Variants in NFX1 observed in about 807,000 individuals in gnomAD.
NFX1 encodes the protein transcriptional repressor NF-X1.
NFX1 carries 69 observed loss-of-function variants against 137.2 expected under a neutral mutation model. That is an observed-to-expected ratio of 0.50 (90% CI 0.41 to 0.61). NFX1 has a LOEUF of 0.61. NFX1 is among the 20% of genes least tolerant of loss of function. NFX1 has a pLI of 0.00. For missense variants in NFX1, 1,167 were observed against 1,391.0 expected (o/e 0.84, Z 2.56); for synonymous variants, 495 against 474.1 (o/e 1.04, Z -0.57).
At chr9:33,348,367 T>G (rs1346540438) in intron 15 of NFX1, 1 of 151,750 alleles carries the variant, frequency 6.6e-6, no homozygotes, top group African/African-American at 2.4e-5. Flanking sequence ...AAAAAATAAA[T>G]TTTAAAAACT....
At chr9:33,301,167 T>G in intron 2 of NFX1, 96 bp from the exon 3 acceptor site, 5 of 1,138,276 alleles carry the variant, frequency 4.4e-6, no homozygotes, top group Non-Finnish European at 6.3e-6. Flanking sequence ...GTTTGGATTC[T>G]TCTCTTGAGT....
At chr9:33,315,279 A>G (rs1822116988) in intron 7 of NFX1, among the ~76,000 whole-genome samples, 1 of 151,900 alleles carries the variant, frequency 6.6e-6, no homozygotes, top group African/African-American at 2.4e-5. Flanking sequence ...CAATGCAATT[A>G]TCCCCTTTTT....
rs565602033 is a variant in NFX1, at chr9:33,352,671, G to A, written c.2681G>A (p.Arg894Gln). ...AKVELQCECGRRKEMVICSEA... is the reference protein window; with the variant it reads ...AKVELQCECGQRKEMVICSEA... ...GTAGAGCTACAGTGTGAATGTGGAC[G>A]AAGAAAAGAGATGGTGATTTGCTCT... The change falls in exon 17 of 24, where the codon CGA becomes CAA. Residue 894 changes from arginine (R) to glutamine (Q), a missense_variant. This residue lies in a region of NFX1 where 312 missense variants were observed against 312.8 expected (regional missense o/e 1.00). Transcript: ENST00000379540. 39 of 1,614,180 alleles carry A rather than the reference G, an allele frequency of 2.4e-5. No homozygotes were observed. The highest frequency in any genetic ancestry group is 6.7e-5 in the East Asian group (3 of 44,888).
At chr9:33,299,059 T>A (rs1225056667) in intron 2 of NFX1, among the ~76,000 whole-genome samples, 1 of 152,250 alleles carries the variant, frequency 6.6e-6, no homozygotes, top group Non-Finnish European at 1.5e-5. Flanking sequence ...CAGTTTGGAA[T>A]AATTTCAGAT....
chr9:33,292,514 G>A (rs182032670), intron 1 of NFX1, among the ~76,000 whole-genome samples: 114 of 152,282 alleles, frequency 7.5e-4, no homozygotes, highest in Admixed American at 7.3e-3. Flanking sequence ...TATTCTAGCC[G>A]TGGTGACTAG....
chr9:33,351,391 A>T (rs1449640778), intron 15 of NFX1, among the ~76,000 whole-genome samples, 169 bp from the exon 16 acceptor site: 1 of 151,588 alleles, frequency 6.6e-6, no homozygotes, highest in Non-Finnish European at 1.5e-5. Context: ...GCCCCAGGAA[A>T]GTCATAATCA....
At chr9:33,367,476 T>C in intron 22 of NFX1, 39 bp from the exon 23 acceptor site, 1 of 1,601,166 alleles carries the variant, frequency 6.2e-7, no homozygotes, top group Non-Finnish European at 8.6e-7. Flanking sequence ...CCACAAACAA[T>C]TCTCACTTTT....
At position 33,359,310 on chromosome 9, in the gene NFX1, A is replaced by G. The variant is rs186060947; in HGVS notation, c.2873+4418A>G. On this transcript the variant is annotated intron_variant, in intron 19 of 23. Coordinates refer to ENST00000379540, the MANE Select transcript of NFX1 (RefSeq NM_002504.6). ...TGAATGGAGGGTGGTAATAATAGAT[A>G]TTCCTTGGCCGGGCGCGGTGGCTCA... is the stretch of plus-strand genomic sequence containing the variant. 3.9e-5 allele frequency among the ~76,000 whole-genome samples: 6 copies of G among 152,090 alleles called. No homozygotes were observed. The East Asian group carries it at 1.2e-3, about 30-fold the overall frequency.
chr9:33,317,752 G>T (rs1822225010), intron 7 of NFX1, among the ~76,000 whole-genome samples: 3 of 151,750 alleles, frequency 2.0e-5, no homozygotes, highest in Non-Finnish European at 4.4e-5. Flanking sequence ...GAGGCAGGTG[G>T]ATCACCTGAG....
chr9:33,357,705 C>CT (rs78778092), intron 19 of NFX1, among the ~76,000 whole-genome samples: 3,306 of 132,008 alleles, frequency 0.025, 127 homozygotes, highest in African/African-American at 0.078. Flanking sequence ...CTAAGATTTT[C>CT]TTTTTTTTTT....
rs150805516 is a variant in NFX1, at chr9:33,318,996, G to T, written c.1775G>T (p.Arg592Leu). ...QQCPRLPQLV[R>L]CCPCGQTPLS... is the part of the protein sequence containing the mutation. ...TGCCCACGGCTCCCCCAGCTGGTGC[G>T]CTGTTGCCCCTGTGGCCAAACTCCT... The change falls in exon 9 of 24, where the codon CGC becomes CTC. Residue 592 changes from arginine (R) to leucine (L), a missense_variant. Transcript: ENST00000379540. 1.2e-6 allele frequency: 2 copies of T among 1,614,080 alleles called. No individual in the cohort carries two copies. Among genetic ancestry groups the T allele is most frequent in the African/African-American group, 2.7e-5 (2 of 74,934 alleles).
At chr9:33,305,980 G>GA (rs1821739808) in intron 4 of NFX1, among the ~76,000 whole-genome samples, 1 of 152,194 alleles carries the variant, frequency 6.6e-6, no homozygotes, top group Non-Finnish European at 1.5e-5. Flanking sequence ...ACTTGCAGGG[G>GA]AAAGAAAAGC....
At chr9:33,352,245 G>A (rs752139108) in intron 16 of NFX1, among the ~76,000 whole-genome samples, 1 of 152,174 alleles carries the variant, frequency 6.6e-6, no homozygotes, top group Admixed American at 6.5e-5. Flanking sequence ...TGTGGAGGGG[G>A]CTATGAGAGC....
At chr9:33,359,314 C>T (rs1823916902) in intron 19 of NFX1, among the ~76,000 whole-genome samples, 1 of 151,542 alleles carries the variant, frequency 6.6e-6, no homozygotes, top group Admixed American at 6.6e-5. Context: ...ATAGATATTC[C>T]TTGGCCGGGC....
Position 33,354,762 on chromosome 9 carries a change from T to A in NFX1, c.2832-89T>A. ...TTTTTTGGCAAGAGTCAGCTGTGCT[T>A]CCAGGTTGACTGAGACTTCCTTTTC... On this transcript the variant is annotated intron_variant, in intron 18 of 23. Transcript: ENST00000379540. 3.1e-6 allele frequency: 4 copies of A among 1,270,722 alleles called. No individual in the cohort carries two copies. In the South Asian group the frequency reaches 6.2e-5, roughly 20 times the overall value. The allele number at this position is 1,270,722 out of a possible 1,614,324, so 78.7% of individuals were successfully genotyped here. A position where few individuals can be genotyped will look rare whatever the true frequency, so the allele number is the denominator to read the frequency against.
chr9:33,334,531 A>G (rs1251623363), intron 11 of NFX1, among the ~76,000 whole-genome samples: 2 of 152,212 alleles, frequency 1.3e-5, no homozygotes, highest in Non-Finnish European at 2.9e-5. Flanking sequence ...TTTAAAAAAA[A>G]ATATGAAGTG....
intron 9 of NFX1, among the ~76,000 whole-genome samples, chr9:33,326,495 G>C (rs189910567): frequency 6.6e-6 from 1 of 151,556 alleles, no homozygotes; most frequent in Non-Finnish European, 1.5e-5. Context: ...GAGGTGGAAG[G>C]ATCACTTGAG....
chr9:33,354,996 G>A (rs554236264), intron 19 of NFX1, 104 bp downstream of exon 19: 81 of 1,043,908 alleles, frequency 7.8e-5, no homozygotes, highest in East Asian at 1.2e-4. Context: ...ACTGCGCTGC[G>A]TCTTTTACCG....
chr9:33,350,063 A>G (rs1442164317), intron 15 of NFX1, among the ~76,000 whole-genome samples: 2 of 152,096 alleles, frequency 1.3e-5, no homozygotes, highest in Non-Finnish European at 2.9e-5. Flanking sequence ...CAACACTTTG[A>G]TAGGCTGAGG....
Sources: gnomAD v4.1 joint callset for allele counts (sites outside exome capture counted in the v4.1 genomes callset) on GRCh38, gnomAD v4.1.1 for gene constraint, gnomAD v4.1.1 regional missense constraint, MANE v1.5 for transcripts, NCBI Gene and HGNC (gene_info 2026-07-23, HGNC 2026-07-21) for gene names.